AKT3: variants seen among roughly 807,000 people sequenced by gnomAD.
The protein encoded by AKT3 is RAC-gamma serine/threonine-protein kinase.
AKT3 carries 15 observed loss-of-function variants against 65.3 expected under a neutral mutation model. The observed-to-expected ratio is 0.23, with a 90% CI of 0.15 to 0.35. The LOEUF is 0.35. AKT3 is among the 10% of genes least tolerant of loss of function. The pLI is 1.00. For synonymous variants in AKT3, 206 were observed against 183.8 expected, an observed-to-expected ratio of 1.12 and a Z score of -0.98; for missense variants, 243 against 576.5, an observed-to-expected ratio of 0.42 and a Z score of 5.92.
rs147521882 is a variant in AKT3, at chr1:243,551,637, A to G, written c.1163+1092T>C. Among the ~76,000 whole-genome samples, 9 of 152,062 alleles carry G rather than the reference A, an allele frequency of 5.9e-5. No homozygotes were observed. In the East Asian group the frequency reaches 1.7e-3, roughly 29 times the overall value. ...ATTTTCATAAAACTCTATGTGAGGT[A>G]TTATAAAATATTCAACAATATGTGA... is the stretch of plus-strand genomic sequence containing the variant. On this transcript the variant is annotated intron_variant, in intron 11 of 13. Transcript: ENST00000673466.
At chr1:243,719,671 C>T (rs1053645488) in intron 2 of AKT3, among the ~76,000 whole-genome samples, 1 of 152,138 alleles carries the variant, frequency 6.6e-6, no homozygotes, top group Admixed American at 6.5e-5. Context: ...ACTGAAGGAC[C>T]TAGAATCCTC....
chr1:243,576,163 A>T (rs1397541087), intron 8 of AKT3, among the ~76,000 whole-genome samples: 1 of 152,214 alleles, frequency 6.6e-6, no homozygotes, highest in African/African-American at 2.4e-5. Flanking sequence ...GACACAGAAA[A>T]GGCCTTCAAA....
At chr1:243,624,707 A>C (rs12032481) in intron 6 of AKT3, 5,776 of 201,814 alleles carry the variant, frequency 0.029, 173 homozygotes, top group East Asian at 0.12. Flanking sequence ...CACCAAAAGT[A>C]AGTCATAACC....
intron 1 of AKT3, among the ~76,000 whole-genome samples, chr1:243,847,977 A>G (rs1446271412): frequency 1.3e-5 from 2 of 152,196 alleles, no homozygotes; most frequent in East Asian, 3.8e-4. Context: ...AAACCAAATG[A>G]ATACAAATAA....
At chr1:243,595,840 T>TA (rs1346452957) in intron 8 of AKT3, among the ~76,000 whole-genome samples, 5 of 152,140 alleles carry the variant, frequency 3.3e-5, no homozygotes, top group Admixed American at 2.0e-4. Context: ...TATTTTTTTT[T>TA]AAATAAGTGA....
intron 8 of AKT3, among the ~76,000 whole-genome samples, chr1:243,604,123 G>C (rs1243600912): frequency 6.6e-6 from 1 of 151,884 alleles, no homozygotes; most frequent in African/African-American, 2.4e-5. Flanking sequence ...TCAAACTCCT[G>C]GCCTCAGGTG....
At chr1:243,714,803 T>C (rs1027609253) in intron 2 of AKT3, among the ~76,000 whole-genome samples, 3 of 152,150 alleles carry the variant, frequency 2.0e-5, no homozygotes, top group East Asian at 3.8e-4. Context: ...ATAACACTAA[T>C]AGTACACTGG....
At chr1:243,811,209 A>G (rs1163516664) in intron 2 of AKT3, among the ~76,000 whole-genome samples, 2 of 152,210 alleles carry the variant, frequency 1.3e-5, no homozygotes, top group Non-Finnish European at 2.9e-5. Flanking sequence ...AAGGGTATTC[A>G]GTTAGGAAAA....
rs146633464 is a variant in AKT3 at position 243,797,932 on chromosome 1, G to C, written c.46+45193C>G. 5.1e-3 allele frequency among the ~76,000 whole-genome samples: 761 copies of C among 148,824 alleles called. 10 individuals are homozygous for C. The highest frequency in any genetic ancestry group is 0.018 in the African/African-American group (721 of 40,798). ...GAGTCTCACTCTGTCACCCAGGCTG[G>C]AGTGCAGTGGTGTGATCTCGGCTCA... is the stretch of plus-strand genomic sequence containing the variant. On this transcript the variant is annotated intron_variant, in intron 2 of 13. Transcript: ENST00000673466.
rs1242245359 is a variant in AKT3 at position 243,489,054 on chromosome 1, C to G, written c.*7-604G>C. On this transcript the variant is annotated intron_variant, in intron 13 of 13. Transcript: ENST00000336199. ...TAAGCACAGCCAGGCCACAGCCCAG[C>G]AGCTGGTGCAGCTCCTCAGCAAGCA... 2.6e-5 allele frequency: 42 copies of G among 1,613,280 alleles called. No individual in the cohort carries two copies. Among genetic ancestry groups the G allele is most frequent in the Non-Finnish European group, 3.5e-5 (41 of 1,180,012 alleles).
chr1:243,499,893 C>G lies in AKT3; in HGVS notation c.*5356G>C. Reference sequence around the variant, plus strand: ...CCACGACCTTCCCAGGGTGACACCGCCTCAGCCTGCAGTGGGGCTGGTCCT... The same window carrying G: ...CCACGACCTTCCCAGGGTGACACCGGCTCAGCCTGCAGTGGGGCTGGTCCT... On this transcript the variant is annotated 3_prime_UTR_variant, in exon 14 of 14. Coordinates refer to ENST00000673466, the MANE Select transcript of AKT3 (RefSeq NM_005465.7). 2.8e-6 allele frequency: 3 copies of G among 1,058,396 alleles called. No homozygotes were observed. The highest frequency in any genetic ancestry group is 4.3e-6 in the Non-Finnish European group (3 of 696,388). 65.6% of individuals were successfully genotyped at this position (1,058,396 alleles called of 1,614,324 possible).
intron 2 of AKT3, among the ~76,000 whole-genome samples, chr1:243,817,623 C>G (rs1460383939): frequency 6.6e-6 from 1 of 152,162 alleles, no homozygotes; most frequent in Non-Finnish European, 1.5e-5. Flanking sequence ...TGCCTGTAGT[C>G]CCAGCTACTG....
chr1:243,785,835 T>C (rs1383705774), intron 2 of AKT3, among the ~76,000 whole-genome samples: 1 of 152,184 alleles, frequency 6.6e-6, no homozygotes, highest in East Asian at 1.9e-4. Flanking sequence ...CAGAAACATA[T>C]CCCACTCATC....
At chr1:243,661,037 A>T (rs912266319) in intron 4 of AKT3, among the ~76,000 whole-genome samples, 3 of 152,218 alleles carry the variant, frequency 2.0e-5, no homozygotes, top group Non-Finnish European at 2.9e-5. Context: ...ACTACAAAAC[A>T]CTGCTCAAAG....
chr1:243,561,335 A>G (rs545011458), intron 10 of AKT3, among the ~76,000 whole-genome samples: 1 of 152,268 alleles, frequency 6.6e-6, no homozygotes, highest in African/African-American at 2.4e-5. Flanking sequence ...GCATTTACAA[A>G]GCATTCATTT....
chr1:243,667,820 CTT>C (rs1177111813), intron 3 of AKT3, among the ~76,000 whole-genome samples: 3 of 152,302 alleles, frequency 2.0e-5, no homozygotes, highest in African/African-American at 7.2e-5. Context: ...TTAGTACTCT[CTT>C]TCAGGCTGCT....
intron 4 of AKT3, among the ~76,000 whole-genome samples, chr1:243,654,166 T>C (rs544061320): frequency 7.9e-5 from 12 of 152,088 alleles, no homozygotes; most frequent in Non-Finnish European, 1.6e-4. Context: ...ACTTAAATTA[T>C]AATATTTAAC....
intron 4 of AKT3, among the ~76,000 whole-genome samples, chr1:243,662,469 C>T (rs1218743061): frequency 6.7e-6 from 1 of 148,502 alleles, no homozygotes; most frequent in African/African-American, 2.5e-5. Context: ...AAAAACCAAA[C>T]ACCACATATT....
chr1:243,821,529 CA>C (rs909380443), intron 2 of AKT3, among the ~76,000 whole-genome samples: 1 of 152,152 alleles, frequency 6.6e-6, no homozygotes, highest in African/African-American at 2.4e-5. Flanking sequence ...GTGCTGTATT[CA>C]AGAGACCCAT....
Sources: gnomAD v4.1 joint callset for allele counts (sites outside exome capture counted in the v4.1 genomes callset) on GRCh38, gnomAD v4.1.1 for gene constraint, MANE v1.5 for transcripts, NCBI Gene and HGNC (gene_info 2026-07-23, HGNC 2026-07-21) for gene names.